The following TEX51 variants were observed in gnomAD, a reference collection of about 807,000 sequenced individuals.
The protein encoded by TEX51 is testis-expressed protein 51.
TEX51 carries 14 observed loss-of-function variants against 8.0 expected under a neutral mutation model. That is an observed-to-expected ratio of 1.76 (90% CI 1.16 to 2.75). The LOEUF (loss-of-function observed/expected upper bound fraction) is 2.75, where lower values mean the gene tolerates loss of function less well. Among genes scored for constraint, TEX51 ranks in the 30% most tolerant of loss-of-function variants. TEX51 has a pLI of 0.00. For synonymous variants in TEX51, 58 were observed against 28.6 expected (o/e 2.03, Z -3.29); for missense variants, 142 against 77.4 (o/e 1.83, Z -3.13).
At chr2:126,899,129 C>A in intron 1 of TEX51, 66 bp downstream of exon 1, 1 of 701,168 alleles carries the variant, frequency 1.4e-6, no homozygotes, top group Non-Finnish European at 2.6e-6. Flanking sequence ...TGAGGCACAG[C>A]CAGGAGATCA....
intron 1 of TEX51, 29 bp from the exon 2 acceptor site, chr2:126,899,188 C>A: frequency 1.4e-6 from 1 of 702,326 alleles, no homozygotes; most frequent in Non-Finnish European, 2.6e-6. Flanking sequence ...ACTCCCTTGA[C>A]TTCCCTTTGA....
rs1185145041 is a variant in TEX51, at chr2:126,901,252, G to A, written c.437G>A (p.Ser146Asn). The A allele has an allele frequency of 4.3e-6, 3 of 694,926 alleles. No individual in the cohort carries two copies. The highest frequency in any genetic ancestry group is 7.9e-6 in the Non-Finnish European group (3 of 380,146). 43.0% of individuals were successfully genotyped at this position (694,926 alleles called of 1,614,324 possible). A position where few individuals can be genotyped will look rare whatever the true frequency, so the allele number is the denominator to read the frequency against. ...RTSLWAVSLS[S>N]ALLLAIAGDV... ...TCCCTGTGGGCTGTGAGTCTCAGCAGTGCTCTACTCCTGGCCATAGCTGGA... is the reference window on the plus strand; with the variant it reads ...TCCCTGTGGGCTGTGAGTCTCAGCAATGCTCTACTCCTGGCCATAGCTGGA... Residue 146 changes from serine to asparagine, a missense_variant, in exon 5 of 7, where the codon AGT becomes AAT. Ser to Asn is a conservative substitution (Grantham distance 46). Coordinates refer to ENST00000568484, the MANE Select transcript of TEX51 (RefSeq NM_001322244.2).
intron 6 of TEX51, chr2:126,901,636 TC>T: frequency 1.7e-6 from 1 of 599,490 alleles, no homozygotes; most frequent in Non-Finnish European, 3.0e-6. Context: ...GCTCCAGGCC[TC>T]CCATCCTCAC....
In TEX51 at chr2:126,899,599, G is replaced by C; in HGVS notation, c.297G>C (p.Gly99=). The C allele has an allele frequency of 4.3e-6, 3 of 701,994 alleles. No homozygotes were observed. The highest frequency in any genetic ancestry group is 7.8e-6 in the Non-Finnish European group (3 of 384,728). The allele number at this position is 701,994 out of a possible 1,614,324, so 43.5% of individuals were successfully genotyped here. Residue 99 remains glycine (G), a synonymous_variant, in exon 3 of 7, where the codon GGG becomes GGC. Coordinates refer to ENST00000568484, the MANE Select transcript of TEX51 (RefSeq NM_001322244.2). ...AGAGGCTGAATAAGATATCTGATGG[G>C]CTGAAGGAGAAGGGTAAGGGGTGGG... ...FTERLNKISD[G]LKEKDIQSTL...
At chr2:126,901,829 G>A (rs574225181) in intron 6 of TEX51, 43 bp from the exon 7 acceptor site, 1 of 583,172 alleles carries the variant, frequency 1.7e-6, no homozygotes, top group Non-Finnish European at 3.1e-6. Flanking sequence ...CCAGAGTAGT[G>A]GGAGGTCAGG....
rs568477474 is a variant in TEX51, at chr2:126,899,564, C to A, written c.262C>A (p.Leu88Ile). 37 of 702,224 alleles carry A rather than the reference C, an allele frequency of 5.3e-5. No homozygotes were observed. In the South Asian group the frequency reaches 5.3e-4, roughly 10 times the overall value. 43.5% of individuals were successfully genotyped at this position (702,224 alleles called of 1,614,324 possible). The change falls in exon 3 of 7, where the codon CTC becomes ATC. Residue 88 changes from leucine (L) to isoleucine (I), a missense_variant. Transcript: ENST00000568484. Reference protein sequence around the residue: ...LLEEIYTHKNLFTERLNKISD... With the variant: ...LLEEIYTHKNIFTERLNKISD... ...GGAAGAGATCTACACGCACAAGAAT[C>A]TCTTTACTGAGAGGCTGAATAAGAT...
intron 6 of TEX51, 36 bp from the exon 7 acceptor site, chr2:126,901,836 C>A: frequency 1.7e-6 from 1 of 584,028 alleles, no homozygotes. Context: ...AGTGGGAGGT[C>A]AGGGTAGAAA....
intron 4 of TEX51, among the ~76,000 whole-genome samples, chr2:126,900,500 A>T (rs1394246209): frequency 6.6e-6 from 1 of 151,946 alleles, no homozygotes; most frequent in Non-Finnish European, 1.5e-5. Context: ...AAATGGCCCC[A>T]CTCAAGCCCT....
intron 6 of TEX51, 48 bp from the exon 7 acceptor site, chr2:126,901,824 G>A (rs1389913744): frequency 3.3e-5 from 19 of 580,072 alleles, no homozygotes; most frequent in Non-Finnish European, 3.1e-6. Context: ...GGAGGCCAGA[G>A]TAGTGGGAGG....
At chr2:126,900,234 G>A (rs1161097914) in intron 4 of TEX51, among the ~76,000 whole-genome samples, 1 of 151,890 alleles carries the variant, frequency 6.6e-6, no homozygotes, top group Non-Finnish European at 1.5e-5. Context: ...CACTCATGGA[G>A]GCCTCTTGGT....
chr2:126,902,082 C>T lies in TEX51; in HGVS notation c.*213C>T, dbSNP rs1353728831. 3.1e-5 allele frequency: 14 copies of T among 452,372 alleles called. No homozygotes were observed. Among genetic ancestry groups the T allele is most frequent in the African/African-American group, 1.8e-4 (9 of 48,984 alleles). The allele number at this position is 452,372 out of a possible 1,614,324, so 28.0% of individuals were successfully genotyped here. On this transcript the variant is annotated 3_prime_UTR_variant, in exon 7 of 7. Coordinates refer to ENST00000568484, the MANE Select transcript of TEX51 (RefSeq NM_001322244.2). ...TTGTAAAGAGTCTCTTCATTAAAACCCCTCTTCATAGCCTAGTTGACTGTG... is the reference window on the plus strand; with the variant it reads ...TTGTAAAGAGTCTCTTCATTAAAACTCCTCTTCATAGCCTAGTTGACTGTG...
intron 4 of TEX51, among the ~76,000 whole-genome samples, chr2:126,900,500 A>G (rs1394246209): frequency 6.6e-6 from 1 of 151,946 alleles, no homozygotes; most frequent in Non-Finnish European, 1.5e-5. Flanking sequence ...AAATGGCCCC[A>G]CTCAAGCCCT....
At position 126,901,412 on chromosome 2, in the gene TEX51, G is replaced by C; in HGVS notation, c.*2+8G>C. ...AAGAAGGAGGCAGTAAAGGTACTGG[G>C]AAAGGAGACCCCGACCCAATTCTAG... On this transcript the variant is annotated splice_region_variant and intron_variant, in intron 6 of 6. Transcript: ENST00000568484. The C allele has an allele frequency of 1.4e-6, 1 of 702,322 alleles. No individual in the cohort carries two copies. Among genetic ancestry groups the C allele is most frequent in the Non-Finnish European group, 2.6e-6 (1 of 384,808 alleles). The allele number at this position is 702,322 out of a possible 1,614,324, so 43.5% of individuals were successfully genotyped here.
At chr2:126,900,876 G>A (rs750969745) in intron 4 of TEX51, among the ~76,000 whole-genome samples, 6 of 152,148 alleles carry the variant, frequency 3.9e-5, no homozygotes, top group Non-Finnish European at 8.8e-5. Context: ...CGGGGACACA[G>A]CCTTGCCCTT....
intron 1 of TEX51, 72 bp downstream of exon 1, chr2:126,899,135 G>A (rs773151371): frequency 4.1e-5 from 29 of 701,312 alleles, no homozygotes; most frequent in Non-Finnish European, 6.8e-5. Flanking sequence ...ACAGCCAGGA[G>A]ATCAGGGATT....
intron 4 of TEX51, among the ~76,000 whole-genome samples, 193 bp downstream of exon 4, chr2:126,900,212 C>T (rs1680252767): frequency 6.6e-6 from 1 of 152,034 alleles, no homozygotes; most frequent in South Asian, 2.1e-4. Context: ...GAGGCATCTG[C>T]CTGTAGGACA....
rs143395419 is a variant in TEX51, at chr2:126,899,701, C to T, written c.310+89C>T. The T allele has an allele frequency of 4.6e-3, 3,195 of 694,174 alleles. 15 individuals carry two copies. Among genetic ancestry groups the T allele is most frequent in the Non-Finnish European group, 5.6e-3 (2,122 of 380,556 alleles). 43.0% of individuals were successfully genotyped at this position (694,174 alleles called of 1,614,324 possible). ...TGCAGATTTCACTCTGCAGCCCCCT[C>T]GATCATCCCCAGGAGCCCCACCCCT... On this transcript the variant is annotated intron_variant, in intron 3 of 6. Transcript: ENST00000568484.
At position 126,901,539 on chromosome 2, in the gene TEX51, G is replaced by T. The variant is rs879486800; in HGVS notation, c.*2+135G>T. On this transcript the variant is annotated intron_variant, in intron 6 of 6. Coordinates refer to ENST00000568484, the MANE Select transcript of TEX51 (RefSeq NM_001322244.2). Reference sequence around the variant, plus strand: ...GGCGTGCAGAACAGAGTGGGATCGAGGGCCAGGACTCTCAGGAGTGCCACT... The same window carrying T: ...GGCGTGCAGAACAGAGTGGGATCGATGGCCAGGACTCTCAGGAGTGCCACT... 87 of 622,990 alleles carry T rather than the reference G, an allele frequency of 1.4e-4. 1 individual carries two copies. Among genetic ancestry groups the T allele is most frequent in the Non-Finnish European group, 2.3e-4 (79 of 348,906 alleles). 38.6% of individuals were successfully genotyped at this position (622,990 alleles called of 1,614,324 possible).
intron 4 of TEX51, among the ~76,000 whole-genome samples, 159 bp from the exon 5 acceptor site, chr2:126,901,051 C>T: frequency 6.6e-6 from 1 of 152,202 alleles, no homozygotes; most frequent in Non-Finnish European, 1.5e-5. Flanking sequence ...TGATTGTTTG[C>T]TTGTCTAGAT....
Sources: gnomAD v4.1 joint callset for allele counts (sites outside exome capture counted in the v4.1 genomes callset) on GRCh38, gnomAD v4.1.1 for gene constraint, MANE v1.5 for transcripts, NCBI Gene and HGNC (gene_info 2026-07-23, HGNC 2026-07-21) for gene names.